COL1A1: variants seen among roughly 807,000 people sequenced by gnomAD.
COL1A1 encodes the protein collagen type I alpha 1 chain.
In COL1A1, 21 loss-of-function variants were observed where a neutral mutation model predicts 195.7. That is an observed-to-expected ratio of 0.11 (90% confidence interval 0.08 to 0.15). The LOEUF (loss-of-function observed/expected upper bound fraction) is 0.15, where lower values mean the gene tolerates loss of function less well. Among genes scored for constraint, COL1A1 ranks in the 10% least tolerant of loss-of-function variants. The pLI is 1.00. For synonymous variants in COL1A1, 749 were observed against 747.3 expected, an observed-to-expected ratio of 1.00 and a Z score of -0.04; for missense variants, 1,365 against 2,051.0, an observed-to-expected ratio of 0.67 and a Z score of 6.46.
chr17:50,195,306 G>A lies in COL1A1; in HGVS notation c.1225C>T (p.Pro409Ser). 1 of 1,613,954 alleles carries A rather than the reference G, an allele frequency of 6.2e-7. No homozygotes were observed. Among genetic ancestry groups the A allele is most frequent in the Non-Finnish European group, 8.5e-7 (1 of 1,179,954 alleles). The change falls in exon 19 of 51, where the codon CCT becomes TCT. Residue 409 changes from proline to serine, a missense_variant. Pro to Ser is a moderately conservative substitution (Grantham distance 74). Transcript: ENST00000225964. This position sits in a 1 kb window ranked among gnomAD's most constrained non-coding sequence, Gnocchi z 4.3. ...ANGAPGIAGA[P>S]GFPGARGPSG... ...GGGCCTCGGGCACCAGGGAAGCCAG[G>A]AGCACCAGCAATACCAGGAGCACCC...
intron 11 of COL1A1, 93 bp from the exon 12 acceptor site, chr17:50,196,763 C>A: frequency 7.3e-7 from 1 of 1,368,414 alleles, no homozygotes; most frequent in South Asian, 1.2e-5. Flanking sequence ...CTTGGGAGGT[C>A]ATCACCGCCA....
At chr17:50,193,136 TA>T in intron 25 of COL1A1, 89 bp from the exon 26 acceptor site, 1 of 1,316,932 alleles carries the variant, frequency 7.6e-7, no homozygotes, top group Non-Finnish European at 1.1e-6. Flanking sequence ...TGGGACTTTT[TA>T]AGGGACTTTC....
In COL1A1 at chr17:50,189,050, G is replaced by A. The variant is rs1014846442; in HGVS notation, c.2938-40C>T. On this transcript the variant is annotated intron_variant, in intron 40 of 50. Coordinates refer to ENST00000225964, the MANE Select transcript of COL1A1 (RefSeq NM_000088.4). This position sits in a 1 kb window ranked among gnomAD's most constrained non-coding sequence, Gnocchi z 5.5. ...AGAGTCAGGCCAGAGATAGGGTCTG[G>A]GAGGACCCTTGAGTCCGCTGGAGTC... is the stretch of plus-strand genomic sequence containing the variant. 2.5e-6 allele frequency: 4 copies of A among 1,572,334 alleles called. No individual in the cohort carries two copies. In the Admixed American group the frequency reaches 6.7e-5, roughly 26 times the overall value.
At position 50,194,371 on chromosome 17, in the gene COL1A1, T is replaced by A. The variant is rs1340644620; in HGVS notation, c.1592A>T (p.Glu531Val). Residue 531 changes from glutamate to valine, a missense_variant, in exon 23 of 51, where the codon GAA becomes GTA. Around this residue, in one of 5 missense-constraint regions of COL1A1, gnomAD observed 671 missense variants for 1,099.9 expected, o/e 0.61. Coordinates refer to ENST00000225964, the MANE Select transcript of COL1A1 (RefSeq NM_000088.4). The surrounding 1 kb of genome is among the most constrained non-coding windows in gnomAD (Gnocchi z 6.8). ...CACCTTGGCACCAGGCAGACCAGCT[T>A]CACCGGGACGACCAGCTTCACCAGG... ...GSPGEAGRPG[E>V]AGLPGAKGLT... The A allele has an allele frequency of 6.2e-7, 1 of 1,613,908 alleles. No homozygotes were observed. The highest frequency in any genetic ancestry group is 2.2e-5 in the East Asian group (1 of 44,832).
chr17:50,184,840 T>A lies in COL1A1; in HGVS notation c.*662A>T. 4.3e-6 allele frequency: 1 copy of A among 230,720 alleles called. No homozygotes were observed. Among genetic ancestry groups the A allele is most frequent in the Admixed American group, 5.7e-5 (1 of 17,688 alleles). The allele number at this position is 230,720 out of a possible 1,614,324, so 14.3% of individuals were successfully genotyped here. Reference sequence around the variant, plus strand: ...TTGTCGTGGCCCTTCCTGACTCTCCTCCGAACCCAGTGAGGGGCTGGTGGC... The same window carrying A: ...TTGTCGTGGCCCTTCCTGACTCTCCACCGAACCCAGTGAGGGGCTGGTGGC... On this transcript the variant is annotated 3_prime_UTR_variant, in exon 51 of 51. Coordinates refer to ENST00000225964, the MANE Select transcript of COL1A1 (RefSeq NM_000088.4).
chr17:50,200,140 G>A, intron 1 of COL1A1, 193 bp from the exon 2 acceptor site: 1 of 659,802 alleles, frequency 1.5e-6, no homozygotes, highest in South Asian at 1.7e-5. Flanking sequence ...CCTGGCCAGG[G>A]AGGCTGTAAC....
At position 50,195,279 on chromosome 17, in the gene COL1A1, A is replaced by G; in HGVS notation, c.1252T>C (p.Ser418Pro). ...GGGCCGCCGGGGCCCTGGGGTCCAG[A>G]GGGGCCTCGGGCACCAGGGAAGCCA... ...APGFPGARGP[S>P]GPQGPGGPPG... is the part of the protein sequence containing the mutation. The change falls in exon 19 of 51, where the codon TCT becomes CCT. Residue 418 changes from serine (S) to proline (P), a missense_variant. Around this residue, in one of 5 missense-constraint regions of COL1A1, gnomAD observed 226 missense variants for 372.9 expected, o/e 0.61. Coordinates refer to ENST00000225964, the MANE Select transcript of COL1A1 (RefSeq NM_000088.4). The surrounding 1 kb of genome is among the most constrained non-coding windows in gnomAD (Gnocchi z 4.3). 4 of 1,613,234 alleles carry G rather than the reference A, an allele frequency of 2.5e-6. No homozygotes were observed. The highest frequency in any genetic ancestry group is 3.4e-6 in the Non-Finnish European group (4 of 1,179,682).
rs760612687 is a variant in COL1A1 at position 50,201,493 on chromosome 17, G to T, written c.21C>A (p.Leu7=). MFSFVD[L]RLLLLLAATA... is the part of the protein sequence containing the mutation. ...TGGCCGCTAAGAGGAGCAGGAGCCG[G>T]AGGTCCACAAAGCTGAACATGTCTA... is the stretch of plus-strand genomic sequence containing the variant. Residue 7 remains leucine (L), a synonymous_variant, in exon 1 of 51, where the codon CTC becomes CTA. Transcript: ENST00000225964. 1 of 1,612,242 alleles carries T rather than the reference G, an allele frequency of 6.2e-7. No individual in the cohort carries two copies. The highest frequency in any genetic ancestry group is 8.5e-7 in the Non-Finnish European group (1 of 1,180,016).
At position 50,189,994 on chromosome 17, in the gene COL1A1, C is replaced by A. The variant is rs761397788; in HGVS notation, c.2559+7G>T. On this transcript the variant is annotated splice_region_variant and intron_variant, in intron 36 of 50. Coordinates refer to ENST00000225964, the MANE Select transcript of COL1A1 (RefSeq NM_000088.4). The surrounding 1 kb of genome is among the most constrained non-coding windows in gnomAD (Gnocchi z 5.5). Reference sequence around the variant, plus strand: ...GCCTCGTGGGCACAGAGGGCCAAGCCACTCACAATGGGGCCAGGGGGTCCA... The same window carrying A: ...GCCTCGTGGGCACAGAGGGCCAAGCAACTCACAATGGGGCCAGGGGGTCCA... 1.2e-6 allele frequency: 2 copies of A among 1,613,304 alleles called. No individual in the cohort carries two copies.
chr17:50,188,411 C>T lies in COL1A1; in HGVS notation c.3207+119G>A, dbSNP rs1906744385. On this transcript the variant is annotated intron_variant, in intron 43 of 50. Transcript: ENST00000225964. The surrounding 1 kb of genome is among the most constrained non-coding windows in gnomAD (Gnocchi z 5.6). Reference sequence around the variant, plus strand: ...TTTGGATTAAGGCCCTGACATCTTGCAGGATCTCCTTTCCTCCCCCTGCCT... The same window carrying T: ...TTTGGATTAAGGCCCTGACATCTTGTAGGATCTCCTTTCCTCCCCCTGCCT... The T allele has an allele frequency of 1.2e-5, 13 of 1,082,266 alleles. No homozygotes were observed. The highest frequency in any genetic ancestry group is 3.7e-5 in the Admixed American group (2 of 54,470). The allele number at this position is 1,082,266 out of a possible 1,614,324, so 67.0% of individuals were successfully genotyped here.
chr17:50,192,369 A>T, intron 29 of COL1A1, 106 bp downstream of exon 29: 1 of 1,318,172 alleles, frequency 7.6e-7, no homozygotes, highest in Non-Finnish European at 1.1e-6. Flanking sequence ...TCCGGCGTCT[A>T]ACCTCAATCC....
chr17:50,192,962 GAAGGAGGTAGGGATGGA>G lies in COL1A1; in HGVS notation c.1821+15_1821+31del. The G allele has an allele frequency of 6.2e-7, 1 of 1,613,964 alleles. No individual in the cohort carries two copies. The highest frequency in any genetic ancestry group is 8.5e-7 in the Non-Finnish European group (1 of 1,179,904). On this transcript the variant is annotated intron_variant, in intron 26 of 50. Transcript: ENST00000225964. ...GGAGAAAGTGCCGGGGCAGCAATGG[GAAGGAGGTAGGGATGGA>G]AAGGAGATACTTACGACAGCGCCAG...
rs1243015297 is a variant in COL1A1 at position 50,185,652 on chromosome 17, G to T, written c.4249-4C>A. The T allele has an allele frequency of 1.2e-6, 2 of 1,613,728 alleles. No homozygotes were observed. Among genetic ancestry groups the T allele is most frequent in the Admixed American group, 3.3e-5 (2 of 60,024 alleles). On this transcript the variant is annotated splice_region_variant and splice_polypyrimidine_tract_variant and intron_variant, in intron 50 of 50. Coordinates refer to ENST00000225964, the MANE Select transcript of COL1A1 (RefSeq NM_000088.4). ...TGCCCCAGGCTCCGGTGTGACTCTG[G>T]GGTGGGGCGGAGACAACGGGAGGGG... is the stretch of plus-strand genomic sequence containing the variant.
At position 50,199,421 on chromosome 17, in the gene COL1A1, T is replaced by A; in HGVS notation, c.366A>T (p.Pro122=). The A allele has an allele frequency of 6.2e-7, 1 of 1,613,974 alleles. No individual in the cohort carries two copies. Among genetic ancestry groups the A allele is most frequent in the Non-Finnish European group, 8.5e-7 (1 of 1,179,944 alleles). Residue 122 remains proline, a synonymous_variant, in exon 4 of 51, where the codon CCA becomes CCT. Transcript: ENST00000225964. ...CAGCCCAGAGTGCAACGCTTACCCT[T>A]GGGCCTCGGGGGCCAGTGTCTCCCT... ...GPKGDTGPRG[P]RGPAGPPGRD...
In COL1A1 at chr17:50,188,233, T is replaced by C; in HGVS notation, c.3208-84A>G. The C allele has an allele frequency of 7.8e-7, 1 of 1,285,682 alleles. No individual in the cohort carries two copies. The highest frequency in any genetic ancestry group is 1.1e-6 in the Non-Finnish European group (1 of 937,516). The allele number at this position is 1,285,682 out of a possible 1,614,324, so 79.6% of individuals were successfully genotyped here. On this transcript the variant is annotated intron_variant, in intron 43 of 50. Coordinates refer to ENST00000225964, the MANE Select transcript of COL1A1 (RefSeq NM_000088.4). This position sits in a 1 kb window ranked among gnomAD's most constrained non-coding sequence, Gnocchi z 5.6. ...AGGATGAGGCCTCCCCTCTGCTGGA[T>C]CTCTCTCTCCTCAGCTGCTTCCCAC...
rs1907460372 is a variant in COL1A1, at chr17:50,195,120, G to A, written c.1300-20C>T. ...TTCACCCTGCAAGGGGGGAGAAGAGGATGAGCTGAGAGTCGGGGGCGCTCA... is the reference window on the plus strand; with the variant it reads ...TTCACCCTGCAAGGGGGGAGAAGAGAATGAGCTGAGAGTCGGGGGCGCTCA... On this transcript the variant is annotated intron_variant, in intron 19 of 50. Coordinates refer to ENST00000225964, the MANE Select transcript of COL1A1 (RefSeq NM_000088.4). The surrounding 1 kb of genome is among the most constrained non-coding windows in gnomAD (Gnocchi z 4.3). 2 of 1,613,454 alleles carry A rather than the reference G, an allele frequency of 1.2e-6. No homozygotes were observed. The highest frequency in any genetic ancestry group is 4.5e-5 in the East Asian group (2 of 44,868).
intron 25 of COL1A1, chr17:50,193,374 T>G: frequency 2.2e-6 from 1 of 457,708 alleles, no homozygotes. Flanking sequence ...CAAAGGCCTG[T>G]CCTATCCCCA....
Position 50,188,143 on chromosome 17 carries a change from C to G in COL1A1, c.3214G>C (p.Ala1072Pro). 1.3e-6 allele frequency: 2 copies of G among 1,560,754 alleles called. No homozygotes were observed. The highest frequency in any genetic ancestry group is 1.7e-6 in the Non-Finnish European group (2 of 1,151,154). The stretch of plus-strand genomic sequence containing the variant: ...GGGCCGACAGGACCGGCGGGACCAG[C>G]AGGACCCTGGGGAGAGCAAGGAAAG... ...KSGDRGETGP[A>P]GPAGPVGPVG... is the part of the protein sequence containing the mutation. The change falls in exon 44 of 51, where the codon GCT (alanine) becomes CCT (proline). Residue 1072 changes from alanine to proline, a missense_variant. Ala to Pro is a conservative substitution (Grantham distance 27). Coordinates refer to ENST00000225964, the MANE Select transcript of COL1A1 (RefSeq NM_000088.4). This position sits in a 1 kb window ranked among gnomAD's most constrained non-coding sequence, Gnocchi z 5.6.
chr17:50,197,357 T>C (rs1003653879), intron 9 of COL1A1, 124 bp from the exon 10 acceptor site: 1 of 936,898 alleles, frequency 1.1e-6, no homozygotes, highest in Non-Finnish European at 1.7e-6. Flanking sequence ...CCCAGAATCT[T>C]ATCTTTGAAT....
Sources: gnomAD v4.1 joint callset for allele counts on GRCh38, gnomAD v4.1.1 for gene constraint, gnomAD v4.1.1 regional missense constraint, Gnocchi (gnomAD v3.1) non-coding constraint, MANE v1.5 for transcripts, NCBI Gene and HGNC (gene_info 2026-07-23, HGNC 2026-07-21) for gene names.